The following TRPV4 variants were observed in gnomAD, a reference collection of about 807,000 sequenced individuals.
The protein encoded by TRPV4 is transient receptor potential cation channel subfamily V member 4.
A neutral mutation model predicts 84.1 loss-of-function variants in TRPV4; 58 were observed. The ratio of observed to expected loss-of-function variants is 0.69; its 90% CI spans 0.56 to 0.86. The LOEUF is 0.86. Among genes scored for constraint, TRPV4 ranks in the 40% least tolerant of loss-of-function variants. TRPV4 has a pLI of 0.00. For synonymous variants in TRPV4, 489 were observed against 500.9 expected (o/e 0.98, Z 0.32); for missense variants, 879 against 1,181.1 (o/e 0.74, Z 3.75).
chr12:109,800,124 G>A (rs1890680031), intron 5 of TRPV4, among the ~76,000 whole-genome samples: 1 of 151,874 alleles, frequency 6.6e-6, no homozygotes. Flanking sequence ...TGTTATTTTT[G>A]TAGAGATGGG....
At chr12:109,831,479 C>T (rs1418895474) in intron 1 of TRPV4, among the ~76,000 whole-genome samples, 1 of 152,256 alleles carries the variant, frequency 6.6e-6, no homozygotes, top group Non-Finnish European at 1.5e-5. Context: ...AGGGAAAATC[C>T]TTCTTGCCTT....
chr12:109,797,590 A>C (rs1890486624), intron 6 of TRPV4, among the ~76,000 whole-genome samples: 1 of 152,200 alleles, frequency 6.6e-6, no homozygotes, highest in South Asian at 2.1e-4. Context: ...AAGTGCTAGG[A>C]TTACAGACAC....
At chr12:109,830,312 T>C (rs1227319463) in intron 1 of TRPV4, among the ~76,000 whole-genome samples, 2 of 152,262 alleles carry the variant, frequency 1.3e-5, no homozygotes, top group African/African-American at 4.8e-5. Flanking sequence ...CCTCTAGACC[T>C]CATTCTGCCC....
Position 109,814,347 on chromosome 12 carries a change from G to C in TRPV4, c.386+64C>G. 6.4e-7 allele frequency: 1 copy of C among 1,564,830 alleles called. No homozygotes were observed. The highest frequency in any genetic ancestry group is 8.7e-7 in the Non-Finnish European group (1 of 1,146,792). On this transcript the variant is annotated intron_variant, in intron 2 of 15. Coordinates refer to ENST00000261740, the MANE Select transcript of TRPV4 (RefSeq NM_021625.5). This position sits in a 1 kb window ranked among gnomAD's most constrained non-coding sequence, Gnocchi z 5.4. Reference sequence around the variant, plus strand: ...TGGGTGGATAATAGATAGAGGGGTGGATGATGAATGGGTGAATGGATACAG... The same window carrying C: ...TGGGTGGATAATAGATAGAGGGGTGCATGATGAATGGGTGAATGGATACAG...
Position 109,814,511 on chromosome 12 carries a change from C to A in TRPV4, c.286G>T (p.Val96Leu), listed in dbSNP as rs762687666. Residue 96 changes from valine (V) to leucine (L), a missense_variant, in exon 2 of 16, where the codon GTG becomes TTG. Around this residue, in one of 4 missense-constraint regions of TRPV4, gnomAD observed 521 missense variants for 686.6 expected, o/e 0.76. Transcript: ENST00000261740. The surrounding 1 kb of genome is among the most constrained non-coding windows in gnomAD (Gnocchi z 5.4). ...LESTLYESSV[V>L]PGPKKAPMDS... is the part of the protein sequence containing the mutation. ...ATGGGTGCTTTCTTGGGCCCAGGCA[C>A]CACCGAGGACTCATATAGGGTGGAC... The A allele has an allele frequency of 1.2e-6, 2 of 1,614,144 alleles. No homozygotes were observed. Among genetic ancestry groups the A allele is most frequent in the Admixed American group, 3.3e-5 (2 of 60,018 alleles).
rs577424478 is a variant in TRPV4 at position 109,783,812 on chromosome 12, G to A, written c.2459-34C>T. ...AGAGCACATCAGAGGGAGGGGTGGGGGTTGGTGGAGAGAGAGCGTGCGTAT... is the reference window on the plus strand; with the variant it reads ...AGAGCACATCAGAGGGAGGGGTGGGAGTTGGTGGAGAGAGAGCGTGCGTAT... On this transcript the variant is annotated intron_variant, in intron 15 of 15. Coordinates refer to ENST00000261740, the MANE Select transcript of TRPV4 (RefSeq NM_021625.5). The surrounding 1 kb of genome is among the most constrained non-coding windows in gnomAD (Gnocchi z 4.6). 1.4e-5 allele frequency: 23 copies of A among 1,607,838 alleles called. No homozygotes were observed. The highest frequency in any genetic ancestry group is 7.7e-5 in the South Asian group (7 of 91,026).
intron 8 of TRPV4, 88 bp downstream of exon 8, chr12:109,794,241 G>A: frequency 6.4e-7 from 1 of 1,552,100 alleles, no homozygotes; most frequent in East Asian, 2.3e-5. Flanking sequence ...CCCCCTACAG[G>A]GGACCCAGAA....
intron 1 of TRPV4, among the ~76,000 whole-genome samples, chr12:109,831,835 AT>A (rs1349658635): frequency 4.6e-5 from 7 of 152,228 alleles, no homozygotes; most frequent in African/African-American, 1.7e-4. Flanking sequence ...GCCCTGAACT[AT>A]GACTGCCATT....
In TRPV4 at chr12:109,788,725, G is replaced by A. The variant is rs376975164; in HGVS notation, c.1892-9C>T. ...CAGGAGGGAGACCAGGGCTGTGGGA[G>A]GATAGGGGTGGCACTCACTGAGTGT... On this transcript the variant is annotated splice_polypyrimidine_tract_variant and intron_variant, in intron 12 of 15. Transcript: ENST00000261740. 2.3e-5 allele frequency: 37 copies of A among 1,613,842 alleles called. No individual in the cohort carries two copies. Among genetic ancestry groups the A allele is most frequent in the South Asian group, 1.8e-4 (16 of 91,082 alleles).
At position 109,815,754 on chromosome 12, in the gene TRPV4, G is replaced by C. The variant is rs988912798; in HGVS notation, c.-31-927C>G. ...AAATGTATCTGTCTTGTCCATCCCT[G>C]AGTCCTCACACAAATGAAAAACTTT... On this transcript the variant is annotated intron_variant, in intron 1 of 15. Coordinates refer to ENST00000261740, the MANE Select transcript of TRPV4 (RefSeq NM_021625.5). The surrounding 1 kb of genome is among the most constrained non-coding windows in gnomAD (Gnocchi z 4.1). Among the ~76,000 whole-genome samples, 1 of 152,232 alleles carries C rather than the reference G, an allele frequency of 6.6e-6. No homozygotes were observed. The highest frequency in any genetic ancestry group is 2.4e-5 in the African/African-American group (1 of 41,454).
In TRPV4 at chr12:109,794,407, GAA is replaced by G. The variant is rs751267805; in HGVS notation, c.1411_1412del (p.Phe471LeufsTer75). On this transcript the variant is annotated frameshift_variant, in exon 8 of 16. Coordinates refer to ENST00000261740, the MANE Select transcript of TRPV4 (RefSeq NM_021625.5). LOFTEE classifies it high-confidence loss of function. Reference sequence around the variant, plus strand: ...ACAGGTAGGAGACCACGTTGATGTAGAAGGAGACGGCCCCGAACTTGCGCCAC... The same window carrying G: ...ACAGGTAGGAGACCACGTTGATGTAGGGAGACGGCCCCGAACTTGCGCCAC... ...DKWRKFGAVS[F>X]YINVVSYLCA... 6.2e-7 allele frequency: 1 copy of G among 1,614,070 alleles called. No individual in the cohort carries two copies. Among genetic ancestry groups the G allele is most frequent in the Non-Finnish European group, 8.5e-7 (1 of 1,180,044 alleles).
At chr12:109,803,882 T>C (rs1396000099) in intron 3 of TRPV4, among the ~76,000 whole-genome samples, 2 of 152,218 alleles carry the variant, frequency 1.3e-5, no homozygotes, top group East Asian at 1.9e-4. Flanking sequence ...TAACAGGGAC[T>C]GTGAACCTGT....
intron 5 of TRPV4, among the ~76,000 whole-genome samples, chr12:109,799,259 T>C (rs2136525104): frequency 6.6e-6 from 1 of 152,018 alleles, no homozygotes; most frequent in Admixed American, 6.5e-5. Flanking sequence ...TGCAAGCAGT[T>C]CTTGTGCCTC....
In TRPV4 at chr12:109,796,546, C is replaced by G. The variant is rs148225182; in HGVS notation, c.1311G>C (p.Leu437=). Residue 437 remains leucine (L), a synonymous_variant, in exon 7 of 16, where the codon CTG becomes CTC. Coordinates refer to ENST00000261740, the MANE Select transcript of TRPV4 (RefSeq NM_021625.5). The surrounding 1 kb of genome is among the most constrained non-coding windows in gnomAD (Gnocchi z 4.2). ...CCACCTCAATCTTGCTGTTGTACAC[C>G]AGGATCTCCAGCACGGAGGCCTCTT... is the stretch of plus-strand genomic sequence containing the variant. ...CGEEASVLEI[L]VYNSKIENRH... 1.7e-4 allele frequency: 267 copies of G among 1,613,990 alleles called. No homozygotes were observed. Among genetic ancestry groups the G allele is most frequent in the Middle Eastern group, 4.9e-4 (3 of 6,084 alleles).
chr12:109,808,473 AGGAG>A lies in TRPV4; in HGVS notation c.387-9_387-6del, dbSNP rs1374704771. 1.9e-6 allele frequency: 3 copies of A among 1,610,558 alleles called. No individual in the cohort carries two copies. In the South Asian group the frequency reaches 3.3e-5, roughly 18 times the overall value. On this transcript the variant is annotated splice_polypyrimidine_tract_variant and splice_region_variant and intron_variant, in intron 2 of 15. Coordinates refer to ENST00000261740, the MANE Select transcript of TRPV4 (RefSeq NM_021625.5). Reference sequence around the variant, plus strand: ...TTGGGGCTCTGCGGCTGCTTCCTGGAGGAGGTAGGGAGGCAAGTTGATGGGAGGG... The same window carrying A: ...TTGGGGCTCTGCGGCTGCTTCCTGGAGTAGGGAGGCAAGTTGATGGGAGGG...
intron 2 of TRPV4, 93 bp from the exon 3 acceptor site, chr12:109,808,561 G>T: frequency 1.5e-6 from 2 of 1,325,178 alleles, no homozygotes; most frequent in Non-Finnish European, 2.1e-6. Flanking sequence ...TGTGGTGGCG[G>T]GCAGGCAGCT....
At chr12:109,823,927 C>CT (rs1011723328) in intron 1 of TRPV4, among the ~76,000 whole-genome samples, 2 of 145,384 alleles carry the variant, frequency 1.4e-5, no homozygotes, top group Non-Finnish European at 3.0e-5. Context: ...TAAAGGGTTT[C>CT]TTTTTTTTCT....
Position 109,796,813 on chromosome 12 carries a change from T to C in TRPV4, c.1153-109A>G. 9.1e-7 allele frequency: 1 copy of C among 1,104,356 alleles called. No homozygotes were observed. Among genetic ancestry groups the C allele is most frequent in the Non-Finnish European group, 1.3e-6 (1 of 786,854 alleles). The allele number at this position is 1,104,356 out of a possible 1,614,324, so 68.4% of individuals were successfully genotyped here. A position where few individuals can be genotyped will look rare whatever the true frequency, so the allele number is the denominator to read the frequency against. ...CAGAAAACAGCTAAGCACCGGCTGC[T>C]GGAGGACCCTTTCCTCATCTTGTTT... is the stretch of plus-strand genomic sequence containing the variant. On this transcript the variant is annotated intron_variant, in intron 6 of 15. Transcript: ENST00000261740. This position sits in a 1 kb window ranked among gnomAD's most constrained non-coding sequence, Gnocchi z 4.2.
At chr12:109,787,257 G>A (rs1889750007) in intron 13 of TRPV4, among the ~76,000 whole-genome samples, 2 of 152,148 alleles carry the variant, frequency 1.3e-5, no homozygotes, top group African/African-American at 4.8e-5. Context: ...TTTTCATAGG[G>A]AATCTCTTAA....
Sources: gnomAD v4.1 joint callset for allele counts (sites outside exome capture counted in the v4.1 genomes callset) on GRCh38, gnomAD v4.1.1 for gene constraint, gnomAD v4.1.1 regional missense constraint, Gnocchi (gnomAD v3.1) non-coding constraint, MANE v1.5 for transcripts, NCBI Gene and HGNC (gene_info 2026-07-23, HGNC 2026-07-21) for gene names.